The following XKR4 variants were observed in gnomAD, a reference collection of about 807,000 sequenced individuals.
The protein encoded by XKR4 is XK related 4.
XKR4 carries 12 observed loss-of-function variants against 53.9 expected under a neutral mutation model. The observed-to-expected ratio is 0.22, with a 90% CI of 0.14 to 0.36. The LOEUF (loss-of-function observed/expected upper bound fraction) is 0.36, where lower values mean the gene tolerates loss of function less well. Among genes scored for constraint, XKR4 ranks in the 10% least tolerant of loss-of-function variants. XKR4 has a pLI of 1.00. For synonymous variants in XKR4, 354 were observed against 362.4 expected, an observed-to-expected ratio of 0.98 and a Z score of 0.26; for missense variants, 799 against 859.5, an observed-to-expected ratio of 0.93 and a Z score of 0.88.
intron 2 of XKR4, among the ~76,000 whole-genome samples, chr8:55,463,190 C>G (rs1350367054): frequency 6.6e-6 from 1 of 152,124 alleles, no homozygotes; most frequent in Non-Finnish European, 1.5e-5. Context: ...CAGCACTACA[C>G]CACACCTATT....
intron 2 of XKR4, among the ~76,000 whole-genome samples, chr8:55,417,753 C>T (rs1804871000): frequency 6.6e-6 from 1 of 152,168 alleles, no homozygotes; most frequent in Non-Finnish European, 1.5e-5. Context: ...AACGAATGTT[C>T]ATGCACTACC....
intron 2 of XKR4, chr8:55,451,846 G>A (rs1175611710): frequency 1.5e-5 from 14 of 905,304 alleles, no homozygotes; most frequent in Non-Finnish European, 2.1e-5. Flanking sequence ...CATGCCGTCC[G>A]AGGGCTTCAA....
intron 1 of XKR4, among the ~76,000 whole-genome samples, chr8:55,187,258 G>A (rs971983564): frequency 3.7e-5 from 5 of 133,456 alleles, no homozygotes; most frequent in East Asian, 4.4e-4. Flanking sequence ...ACTCAGGTCC[G>A]ACATGTAGAG....
At chr8:55,451,174 C>T (rs541855237) in intron 2 of XKR4, 15 of 550,320 alleles carry the variant, frequency 2.7e-5, no homozygotes, top group African/African-American at 2.3e-4. Context: ...GGGGGACACC[C>T]GTTGGCCTGG....
At chr8:55,120,446 G>T (rs1341657280) in intron 1 of XKR4, among the ~76,000 whole-genome samples, 1 of 151,980 alleles carries the variant, frequency 6.6e-6, no homozygotes, top group Non-Finnish European at 1.5e-5. Context: ...AAATTATTAG[G>T]ATGTGGTGAA....
At chr8:55,200,331 G>A (rs1197528541) in intron 1 of XKR4, among the ~76,000 whole-genome samples, 1 of 152,170 alleles carries the variant, frequency 6.6e-6, no homozygotes, top group Non-Finnish European at 1.5e-5. Context: ...GCCTCCCAAA[G>A]TGCTGGGATT....
chr8:55,253,730 T>C (rs1037739326), intron 1 of XKR4, among the ~76,000 whole-genome samples: 17 of 128,290 alleles, frequency 1.3e-4, no homozygotes, highest in Non-Finnish European at 2.6e-4. Context: ...TATTTTCTTT[T>C]CTTTTTTTTT....
intron 1 of XKR4, among the ~76,000 whole-genome samples, chr8:55,256,805 C>T (rs751285969): frequency 7.2e-5 from 11 of 152,164 alleles, no homozygotes; most frequent in South Asian, 2.1e-4. Context: ...GCATAAACCA[C>T]GCCTGGGTTG....
At chr8:55,122,222 A>G (rs906208792) in intron 1 of XKR4, among the ~76,000 whole-genome samples, 1 of 152,208 alleles carries the variant, frequency 6.6e-6, no homozygotes, top group Non-Finnish European at 1.5e-5. Context: ...TTTACTTTGT[A>G]CTGTATAGAA....
At chr8:55,358,136 C>T (rs1370366576) in intron 2 of XKR4, among the ~76,000 whole-genome samples, 2 of 152,224 alleles carry the variant, frequency 1.3e-5, no homozygotes, top group African/African-American at 4.8e-5. Flanking sequence ...TACACTTGGT[C>T]GATGTGGGGA....
chr8:55,391,976 G>C (rs1213989630), intron 2 of XKR4, among the ~76,000 whole-genome samples: 2 of 152,020 alleles, frequency 1.3e-5, no homozygotes, highest in African/African-American at 4.8e-5. Flanking sequence ...GGTGTAGGAT[G>C]GTGGAAATAA....
At chr8:55,252,754 G>C (rs1470538939) in intron 1 of XKR4, among the ~76,000 whole-genome samples, 1 of 152,162 alleles carries the variant, frequency 6.6e-6, no homozygotes, top group Non-Finnish European at 1.5e-5. Flanking sequence ...CAGTCCATGG[G>C]AAAGCCTCAA....
chr8:55,209,352 G>A (rs1295442022), intron 1 of XKR4, among the ~76,000 whole-genome samples: 1 of 152,134 alleles, frequency 6.6e-6, no homozygotes, highest in Non-Finnish European at 1.5e-5. Context: ...ACTCAGCACA[G>A]AGATAAATCA....
At chr8:55,305,284 C>G (rs1819278992) in intron 1 of XKR4, among the ~76,000 whole-genome samples, 1 of 152,150 alleles carries the variant, frequency 6.6e-6, no homozygotes, top group Non-Finnish European at 1.5e-5. Context: ...TCTGTCATTA[C>G]AGAAAGTGCT....
At chr8:55,149,443 A>G (rs1211415018) in intron 1 of XKR4, among the ~76,000 whole-genome samples, 2 of 152,174 alleles carry the variant, frequency 1.3e-5, no homozygotes, top group African/African-American at 4.8e-5. Flanking sequence ...AAAACACACA[A>G]GTAGGAGAGC....
chr8:55,401,636 C>G (rs1804603116), intron 2 of XKR4, among the ~76,000 whole-genome samples: 1 of 152,210 alleles, frequency 6.6e-6, no homozygotes, highest in African/African-American at 2.4e-5. Context: ...TGCCAACACC[C>G]TCAGAGCTAA....
At chr8:55,320,803 A>G (rs1298312347) in intron 1 of XKR4, among the ~76,000 whole-genome samples, 1 of 151,902 alleles carries the variant, frequency 6.6e-6, no homozygotes, top group African/African-American at 2.4e-5. Flanking sequence ...CATGAGACAC[A>G]CCTTTCTTTG....
At chr8:55,456,367 G>A (rs924202302) in intron 2 of XKR4, among the ~76,000 whole-genome samples, 8 of 152,108 alleles carry the variant, frequency 5.3e-5, no homozygotes, top group Admixed American at 1.3e-4. Flanking sequence ...GCGGGCAGAG[G>A]TTGCGGTGAG....
chr8:55,311,796 C>T (rs919545643), intron 1 of XKR4, among the ~76,000 whole-genome samples: 2 of 114,570 alleles, frequency 1.7e-5, no homozygotes, highest in African/African-American at 3.8e-5. Context: ...TCATATAGAA[C>T]CTAAAATAAC....
Sources: gnomAD v4.1 joint callset for allele counts (sites outside exome capture counted in the v4.1 genomes callset) on GRCh38, gnomAD v4.1.1 for gene constraint, MANE v1.5 for transcripts, NCBI Gene and HGNC (gene_info 2026-07-23, HGNC 2026-07-21) for gene names.